Variants in CASZ1 observed in about 807,000 individuals in gnomAD.
CASZ1 encodes the protein castor zinc finger 1.
CASZ1 carries 28 observed loss-of-function variants against 135.2 expected under a neutral mutation model. The ratio of observed to expected loss-of-function variants is 0.21; its 90% CI spans 0.15 to 0.28. CASZ1 has a LOEUF of 0.28. Ranked by LOEUF, CASZ1 falls within the 10% of genes least tolerant of loss-of-function variation. The pLI is 1.00. For synonymous variants in CASZ1, 1,068 were observed against 1,073.4 expected (o/e 0.99, Z 0.10); for missense variants, 2,161 against 2,453.3 (o/e 0.88, Z 2.52).
chr1:10,744,899 T>C (rs1384275072), intron 2 of CASZ1, among the ~76,000 whole-genome samples: 8 of 152,202 alleles, frequency 5.3e-5, no homozygotes, highest in African/African-American at 1.2e-4. Context: ...CGCAGACGCA[T>C]GTCTGCCATG....
Position 10,694,816 on chromosome 1 carries a change from A to T in CASZ1, c.-23-904T>A, listed in dbSNP as rs999674353. ...GGGACTTGCGCTCAGGGCTGGCGGG[A>T]GGGGACCCGGCGCGGGGCGGGGAAC... On this transcript the variant is annotated intron_variant, in intron 3 of 20. Transcript: ENST00000377022. The surrounding 1 kb of genome is among the most constrained non-coding windows in gnomAD (Gnocchi z 6.6). Among the ~76,000 whole-genome samples, 1 of 143,048 alleles carries T rather than the reference A, an allele frequency of 7.0e-6. No individual in the cohort carries two copies. The highest frequency in any genetic ancestry group is 2.2e-4 in the South Asian group (1 of 4,638). 93.8% of individuals were successfully genotyped at this position (143,048 alleles called of 152,430 possible). A position where few individuals can be genotyped will look rare whatever the true frequency, so the allele number is the denominator to read the frequency against.
In CASZ1 at chr1:10,660,076, G is replaced by A. The variant is rs72858531; in HGVS notation, c.966C>T (p.Gly322=). 5.6e-6 allele frequency: 9 copies of A among 1,614,052 alleles called. No homozygotes were observed. Among genetic ancestry groups the A allele is most frequent in the East Asian group, 4.5e-5 (2 of 44,886 alleles). The change falls in exon 6 of 21, where the codon GGC becomes GGT. Residue 322 remains glycine (G), a synonymous_variant. Coordinates refer to ENST00000377022, the MANE Select transcript of CASZ1 (RefSeq NM_001079843.3). The part of the protein sequence containing the change: ...YDFFIQKLKT[G]ENLRPQNGST... ...TCCCGTTCTGGGGCCGCAGATTCTC[G>A]CCGGTCTTCAGTTTTTGGATGAAGA...
At chr1:10,723,851 C>T (rs1324949463) in intron 2 of CASZ1, among the ~76,000 whole-genome samples, 1 of 152,192 alleles carries the variant, frequency 6.6e-6, no homozygotes, top group Non-Finnish European at 1.5e-5. Context: ...AGCTTCAGTC[C>T]ACCCGTCTCA....
chr1:10,675,071 C>T lies in CASZ1; in HGVS notation c.17-9500G>A, dbSNP rs933465353. Among the ~76,000 whole-genome samples the T allele has an allele frequency of 7.2e-5, 11 of 152,210 alleles. 1 individual carries two copies. The East Asian group carries it at 1.5e-3, about 21-fold the overall frequency. On this transcript the variant is annotated intron_variant, in intron 4 of 20. Coordinates refer to ENST00000377022, the MANE Select transcript of CASZ1 (RefSeq NM_001079843.3). ...AAGTTTCTGTTACAATCTAAACATT[C>T]CCACATCGCATAAAGGGTTATATTA...
Position 10,709,630 on chromosome 1 carries a change from G to A in CASZ1, c.-76-4086C>T, listed in dbSNP as rs549427847. Among the ~76,000 whole-genome samples, 34 of 152,174 alleles carry A rather than the reference G, an allele frequency of 2.2e-4. No individual in the cohort carries two copies. The highest frequency in any genetic ancestry group is 4.4e-4 in the Non-Finnish European group (30 of 68,030). On this transcript the variant is annotated intron_variant, in intron 2 of 20. Transcript: ENST00000377022. This position sits in a 1 kb window ranked among gnomAD's most constrained non-coding sequence, Gnocchi z 5.1. ...AGAGAGAGCGGGAGAGGGGGAGAGA[G>A]AGAGAGGGAGAGAGAGAAAGAGAGG...
rs1445174410 is a variant in CASZ1 at position 10,640,010 on chromosome 1, C to A, written c.4212G>T (p.Trp1404Cys). ...PTASGAKKRF[W>C]IIEDMSPFGK... ...CGAAGGGCGACATGTCCTCGATGAT[C>A]CAGAAGCGCTTTTTGGCCCCCGAGG... The change falls in exon 21 of 21, where the codon TGG becomes TGT. Residue 1404 changes from tryptophan (W) to cysteine (C), a missense_variant. Trp to Cys is a radical substitution (Grantham distance 215). Coordinates refer to ENST00000377022, the MANE Select transcript of CASZ1 (RefSeq NM_001079843.3). 2.5e-6 allele frequency: 4 copies of A among 1,612,034 alleles called. No homozygotes were observed. The East Asian group carries it at 8.9e-5, about 36-fold the overall frequency.
At chr1:10,743,233 G>A (rs77172026) in intron 2 of CASZ1, among the ~76,000 whole-genome samples, 6 of 151,996 alleles carry the variant, frequency 3.9e-5, no homozygotes, top group African/African-American at 7.2e-5. Context: ...GATTCTGGGC[G>A]AAATCAGGGT....
At chr1:10,716,326 C>T (rs1270292329) in intron 2 of CASZ1, among the ~76,000 whole-genome samples, 2 of 152,222 alleles carry the variant, frequency 1.3e-5, no homozygotes, top group African/African-American at 2.4e-5. Context: ...ACATGGCTCT[C>T]GGGTAGACCC....
chr1:10,754,637 G>A (rs1282893322), intron 2 of CASZ1, among the ~76,000 whole-genome samples: 1 of 152,120 alleles, frequency 6.6e-6, no homozygotes, highest in African/African-American at 2.4e-5. Flanking sequence ...CTTTGGAGGG[G>A]TGCCCGAGGG....
intron 3 of CASZ1, among the ~76,000 whole-genome samples, chr1:10,695,056 C>T (rs1485929154): frequency 8.6e-5 from 13 of 151,074 alleles, no homozygotes; most frequent in Non-Finnish European, 4.4e-5. Flanking sequence ...CGCCAGGCCG[C>T]GCGCTTCCCT....
intron 4 of CASZ1, among the ~76,000 whole-genome samples, chr1:10,668,968 C>T (rs993821674): frequency 1.3e-5 from 2 of 152,192 alleles, no homozygotes; most frequent in Non-Finnish European, 2.9e-5. Context: ...GGGGCAGGGG[C>T]GGGCTGGCCT....
At position 10,707,300 on chromosome 1, in the gene CASZ1, T is replaced by G. The variant is rs1458982621; in HGVS notation, c.-76-1756A>C. On this transcript the variant is annotated intron_variant, in intron 2 of 20. Coordinates refer to ENST00000377022, the MANE Select transcript of CASZ1 (RefSeq NM_001079843.3). This position sits in a 1 kb window ranked among gnomAD's most constrained non-coding sequence, Gnocchi z 5.0. ...AGGCACTAATTAGTTCTTTGTTTAA[T>G]TTTGTGTTAAACAGACTGACCGGAA... 2.6e-5 allele frequency among the ~76,000 whole-genome samples: 4 copies of G among 152,202 alleles called. No homozygotes were observed. Among genetic ancestry groups the G allele is most frequent in the Non-Finnish European group, 4.4e-5 (3 of 68,046 alleles).
Position 10,643,248 on chromosome 1 carries a change from A to G in CASZ1, c.3932T>C (p.Phe1311Ser). The G allele has an allele frequency of 6.2e-7, 1 of 1,613,080 alleles. No individual in the cohort carries two copies. Among genetic ancestry groups the G allele is most frequent in the Non-Finnish European group, 8.5e-7 (1 of 1,179,984 alleles). Residue 1311 changes from phenylalanine to serine, a missense_variant, in exon 19 of 21, where the codon TTC becomes TCC. Around this residue, in one of 7 missense-constraint regions of CASZ1, gnomAD observed 349 missense variants for 460.8 expected, o/e 0.76. Transcript: ENST00000377022. ...HCIREGCQFS[F>S]LLKHQMTSHA... ...GGAGGTCATCTGGTGCTTGAGGAGG[A>G]AGGAGAACTGGCAGCCCTCCCGGAT...
At position 10,694,029 on chromosome 1, in the gene CASZ1, G is replaced by T; in HGVS notation, c.-23-117C>A. ...CGCCCCGCAGGAGCGGCCCGTCCCG[G>T]GCGGGCGCCGAGGCCGCGGCGGAGA... On this transcript the variant is annotated intron_variant, in intron 3 of 20. Transcript: ENST00000377022. The surrounding 1 kb of genome is among the most constrained non-coding windows in gnomAD (Gnocchi z 6.6). 2.1e-6 allele frequency: 2 copies of T among 944,334 alleles called. No individual in the cohort carries two copies. Among genetic ancestry groups the T allele is most frequent in the Non-Finnish European group, 3.1e-6 (2 of 655,066 alleles). The allele number at this position is 944,334 out of a possible 1,614,324, so 58.5% of individuals were successfully genotyped here. A position where few individuals can be genotyped will look rare whatever the true frequency, so the allele number is the denominator to read the frequency against.
chr1:10,693,918 C>A lies in CASZ1; in HGVS notation c.-23-6G>T, dbSNP rs1345157700. ...CTTCTCCTTGGTCCCAAACTCTTCG[C>A]AGAACGCCACCAGGGGAAGACCGGG... On this transcript the variant is annotated splice_region_variant and splice_polypyrimidine_tract_variant and intron_variant, in intron 3 of 20. Coordinates refer to ENST00000377022, the MANE Select transcript of CASZ1 (RefSeq NM_001079843.3). 1.9e-6 allele frequency: 3 copies of A among 1,612,676 alleles called. No individual in the cohort carries two copies. The Admixed American group carries it at 5.0e-5, about 27-fold the overall frequency.
rs1028862943 is a variant in CASZ1, at chr1:10,747,344, A to G, written c.-77+13357T>C. 6.6e-6 allele frequency among the ~76,000 whole-genome samples: 1 copy of G among 152,190 alleles called. No homozygotes were observed. The highest frequency in any genetic ancestry group is 1.5e-5 in the Non-Finnish European group (1 of 68,028). On this transcript the variant is annotated intron_variant, in intron 2 of 20. Coordinates refer to ENST00000377022, the MANE Select transcript of CASZ1 (RefSeq NM_001079843.3). This position sits in a 1 kb window ranked among gnomAD's most constrained non-coding sequence, Gnocchi z 4.3. ...CAACCCAGCAGACAAACCAAATCCC[A>G]TGGGCAGGGATTCTTACCAAGTGCT...
At position 10,726,155 on chromosome 1, in the gene CASZ1, A is replaced by G. The variant is rs964993874; in HGVS notation, c.-76-20611T>C. On this transcript the variant is annotated intron_variant, in intron 2 of 20. Transcript: ENST00000377022. The surrounding 1 kb of genome is among the most constrained non-coding windows in gnomAD (Gnocchi z 5.7). ...TGCTGCTACTACCACCAGCATGACC[A>G]TTAATTGTTAGTGTTTATGGAGGGC... is the stretch of plus-strand genomic sequence containing the variant. Among the ~76,000 whole-genome samples, 4 of 152,162 alleles carry G rather than the reference A, an allele frequency of 2.6e-5. No individual in the cohort carries two copies. The highest frequency in any genetic ancestry group is 5.9e-5 in the Non-Finnish European group (4 of 68,014).
rs757568860 is a variant in CASZ1 at position 10,639,945 on chromosome 1, T to A, written c.4277A>T (p.Asp1426Val). 1.2e-6 allele frequency: 2 copies of A among 1,612,912 alleles called. No homozygotes were observed. Among genetic ancestry groups the A allele is most frequent in the South Asian group, 2.2e-5 (2 of 91,086 alleles). The change falls in exon 21 of 21, where the codon GAC becomes GTC. Residue 1426 changes from aspartate to valine, a missense_variant. Physicochemically the swap from Asp to Val is radical, Grantham distance 152. Transcript: ENST00000377022. The surrounding 1 kb of genome is among the most constrained non-coding windows in gnomAD (Gnocchi z 4.0). ...GAAGCCCTCCAGCATCATGCCCTCG[T>A]CCAGCATCTTCCGGGAGGACGCCGT... Reference protein sequence around the residue: ...RKTASSRKMLDEGMMLEGFRR... With the variant: ...RKTASSRKMLVEGMMLEGFRR...
intron 1 of CASZ1, among the ~76,000 whole-genome samples, chr1:10,791,079 A>G (rs1640948548): frequency 7.4e-6 from 1 of 135,358 alleles, no homozygotes; most frequent in African/African-American, 3.5e-5. Flanking sequence ...CCCTCTTCCC[A>G]TCAAAAAAAA....
Sources: gnomAD v4.1 joint callset for allele counts (sites outside exome capture counted in the v4.1 genomes callset) on GRCh38, gnomAD v4.1.1 for gene constraint, gnomAD v4.1.1 regional missense constraint, Gnocchi (gnomAD v3.1) non-coding constraint, MANE v1.5 for transcripts, NCBI Gene and HGNC (gene_info 2026-07-23, HGNC 2026-07-21) for gene names.